The following SCHIP1 variants were observed in gnomAD, a reference collection of about 807,000 sequenced individuals.
SCHIP1 encodes schwannomin interacting protein 1, also known as schwannomin-interacting protein 1.
Under a neutral mutation model 29.7 loss-of-function variants are expected in SCHIP1, and 8 were observed. The observed-to-expected ratio is 0.27, with a 90% CI of 0.16 to 0.49. SCHIP1 has a LOEUF of 0.49. SCHIP1 is among the 20% of genes least tolerant of loss of function. The pLI, the probability that SCHIP1 is intolerant of heterozygous loss-of-function variation, is 0.99. For missense variants in SCHIP1, 193 were observed against 294.6 expected (o/e 0.66, Z 2.52); for synonymous variants, 76 against 94.9 (o/e 0.80, Z 1.16).
chr3:159,619,606 A>T, the SCHIP1 span, among the ~76,000 whole-genome samples: 1 of 152,250 alleles, frequency 6.6e-6, no homozygotes, highest in Non-Finnish European at 1.5e-5. Context: ...CTTCTGCCAA[A>T]CAAAGGCTGC....
intron 1 of SCHIP1, among the ~76,000 whole-genome samples, chr3:159,850,671 C>A (rs1340820956): frequency 6.6e-6 from 1 of 151,752 alleles, no homozygotes; most frequent in African/African-American, 2.4e-5. Flanking sequence ...AGGAAACTTA[C>A]AATTACGACA....
chr3:159,876,961 C>T (rs1469150161), intron 2 of SCHIP1, among the ~76,000 whole-genome samples: 1 of 152,220 alleles, frequency 6.6e-6, no homozygotes. Flanking sequence ...CAGTGCCCAC[C>T]TCCTCCTTGG....
At chr3:159,799,847 C>T in the SCHIP1 span, among the ~76,000 whole-genome samples, 7 of 152,142 alleles carry the variant, frequency 4.6e-5, no homozygotes, top group Non-Finnish European at 1.0e-4. Flanking sequence ...AAACTTATTG[C>T]AGCATTTTAA....
chr3:159,648,504 C>T, the SCHIP1 span, among the ~76,000 whole-genome samples: 27 of 152,150 alleles, frequency 1.8e-4, no homozygotes, highest in Non-Finnish European at 3.4e-4. Flanking sequence ...TAGCACAGTG[C>T]TAGACACATA....
chr3:159,310,545 T>C, the SCHIP1 span, among the ~76,000 whole-genome samples: 1 of 152,166 alleles, frequency 6.6e-6, no homozygotes, highest in Admixed American at 6.6e-5. Flanking sequence ...TAAAATTCTG[T>C]CGTTGTTTCC....
chr3:159,437,868 A>C, the SCHIP1 span, among the ~76,000 whole-genome samples: 10 of 152,282 alleles, frequency 6.6e-5, no homozygotes, highest in African/African-American at 2.4e-4. Flanking sequence ...AATATAGCAT[A>C]GGCATCAAGA....
the SCHIP1 span, among the ~76,000 whole-genome samples, chr3:159,660,536 A>G: frequency 2.6e-5 from 4 of 152,168 alleles, no homozygotes; most frequent in African/African-American, 9.7e-5. Context: ...GTGTGTGGGT[A>G]TATTTTATAC....
the SCHIP1 span, among the ~76,000 whole-genome samples, chr3:159,691,638 C>T: frequency 1.1e-3 from 160 of 152,172 alleles, 4 homozygotes; most frequent in South Asian, 9.6e-3. Flanking sequence ...TTGATCCTGT[C>T]ATTATGATTC....
At chr3:159,487,918 G>C in the SCHIP1 span, among the ~76,000 whole-genome samples, 71 of 152,260 alleles carry the variant, frequency 4.7e-4, no homozygotes, top group African/African-American at 1.7e-3. Flanking sequence ...ATGATAATTA[G>C]ACTTTATCTT....
chr3:159,673,750 G>T, the SCHIP1 span, among the ~76,000 whole-genome samples: 1 of 152,140 alleles, frequency 6.6e-6, no homozygotes, highest in Non-Finnish European at 1.5e-5. Flanking sequence ...CTAATATGTT[G>T]TTTCCCACCA....
At chr3:159,631,775 T>C in the SCHIP1 span, among the ~76,000 whole-genome samples, 1 of 152,194 alleles carries the variant, frequency 6.6e-6, no homozygotes, top group African/African-American at 2.4e-5. Context: ...TGAATGTATT[T>C]CGTGCCACTG....
the SCHIP1 span, among the ~76,000 whole-genome samples, chr3:159,602,109 C>T: frequency 1.4e-4 from 21 of 152,300 alleles, no homozygotes; most frequent in African/African-American, 4.3e-4. Flanking sequence ...TGGTTCACAT[C>T]GCAGCAGTCT....
At chr3:159,476,076 T>A in the SCHIP1 span, among the ~76,000 whole-genome samples, 1 of 151,974 alleles carries the variant, frequency 6.6e-6, no homozygotes, top group African/African-American at 2.4e-5. Context: ...CAGCTCAGAG[T>A]TGGAAAAACT....
At chr3:159,843,081 A>G (rs1315975752) in intron 1 of SCHIP1, among the ~76,000 whole-genome samples, 1 of 133,218 alleles carries the variant, frequency 7.5e-6, no homozygotes, top group Non-Finnish European at 1.6e-5. Flanking sequence ...GCGCAATCTC[A>G]GTGGCGCAAT....
the SCHIP1 span, among the ~76,000 whole-genome samples, chr3:159,815,503 G>C: frequency 6.6e-6 from 1 of 152,152 alleles, no homozygotes; most frequent in African/African-American, 2.4e-5. Flanking sequence ...AAAGGACGCC[G>C]AAGGTGTGTC....
chr3:159,572,698 G>T, the SCHIP1 span, among the ~76,000 whole-genome samples: 1 of 152,046 alleles, frequency 6.6e-6, no homozygotes, highest in African/African-American at 2.4e-5. Context: ...TGATCTGTCT[G>T]ATATTGACAG....
chr3:159,399,869 G>A, the SCHIP1 span, among the ~76,000 whole-genome samples: 8 of 152,110 alleles, frequency 5.3e-5, no homozygotes, highest in Non-Finnish European at 8.8e-5. Context: ...GTAGAGACAA[G>A]GTCTCACTAT....
the SCHIP1 span, chr3:159,721,931 T>C: frequency 4.7e-6 from 2 of 423,774 alleles, no homozygotes; most frequent in South Asian, 3.6e-5. Flanking sequence ...AAATGTTTTC[T>C]TGAAGTTCAT....
the SCHIP1 span, among the ~76,000 whole-genome samples, chr3:159,776,132 T>C: frequency 1.3e-5 from 2 of 152,212 alleles, no homozygotes; most frequent in East Asian, 3.8e-4. Flanking sequence ...TCTACACTCA[T>C]AAAAATAACA....
Sources: gnomAD v4.1 joint callset for allele counts (sites outside exome capture counted in the v4.1 genomes callset) on GRCh38, gnomAD v4.1.1 for gene constraint, MANE v1.5 for transcripts, NCBI Gene and HGNC (gene_info 2026-07-23, HGNC 2026-07-21) for gene names.